The following ABI2 variants were observed in gnomAD, a reference collection of about 807,000 sequenced individuals.
The protein encoded by ABI2 is abelson interactor 2.
ABI2 carries 25 observed loss-of-function variants against 59.2 expected under a neutral mutation model. The observed-to-expected ratio is 0.42, with a 90% CI of 0.31 to 0.59. The LOEUF (loss-of-function observed/expected upper bound fraction) is 0.59, where lower values mean the gene tolerates loss of function less well. Among genes scored for constraint, ABI2 ranks in the 20% least tolerant of loss-of-function variants. The pLI, the probability that ABI2 is intolerant of heterozygous loss-of-function variation, is 0.14. For missense variants in ABI2, 545 were observed against 681.8 expected (o/e 0.80, Z 2.23); for synonymous variants, 213 against 235.5 (o/e 0.90, Z 0.87).
intron 9 of ABI2, among the ~76,000 whole-genome samples, chr2:203,405,896 A>G (rs562748794): frequency 1.3e-5 from 2 of 152,340 alleles, no homozygotes; most frequent in Admixed American, 6.5e-5. Flanking sequence ...CAATTATAAC[A>G]TAGGAGTTAA....
chr2:203,347,000 G>C (rs996371859), intron 1 of ABI2, among the ~76,000 whole-genome samples: 2 of 152,070 alleles, frequency 1.3e-5, no homozygotes, highest in Non-Finnish European at 2.9e-5. Flanking sequence ...ATTTTGTATA[G>C]TTTTTCTTAT....
intron 1 of ABI2, among the ~76,000 whole-genome samples, chr2:203,346,650 C>A (rs111665039): frequency 6.6e-6 from 1 of 152,226 alleles, no homozygotes; most frequent in African/African-American, 2.4e-5. Flanking sequence ...TTGTGCTGTT[C>A]TCTTTCTCAT....
chr2:203,402,302 T>G (rs1435026439), intron 8 of ABI2, among the ~76,000 whole-genome samples: 1 of 152,208 alleles, frequency 6.6e-6, no homozygotes, highest in Non-Finnish European at 1.5e-5. Context: ...CCCAAAGTGC[T>G]GGGATTACAG....
At position 203,431,416 on chromosome 2, in the gene ABI2, A is replaced by G. The variant is rs1434660605; in HGVS notation, c.*4064A>G. On this transcript the variant is annotated 3_prime_UTR_variant, in exon 12 of 12. Coordinates refer to ENST00000261018, the MANE Select transcript of ABI2 (RefSeq NM_001375670.1). ...TGAAAAGACATGCCATGTTTTGGTA[A>G]ATACCATCAGAGTTGTGTAAAGGCG... 1 of 152,658 alleles carries G rather than the reference A, an allele frequency of 6.6e-6. No individual in the cohort carries two copies. Among genetic ancestry groups the G allele is most frequent in the Non-Finnish European group, 1.5e-5 (1 of 68,030 alleles). The allele number at this position is 152,658 out of a possible 1,614,324, so 9.5% of individuals were successfully genotyped here.
Position 203,411,268 on chromosome 2 carries a change from C to CT in ABI2, c.1193-11dup, listed in dbSNP as rs771626096. On this transcript the variant is annotated splice_polypyrimidine_tract_variant and intron_variant, in intron 9 of 11. Transcript: ENST00000261018. ...CGCCCTTATCCCTTATCCTCCACAC[C>CT]TTTTTTGTTTTTGCAGTATCTCTTG... 13 of 1,602,670 alleles carry CT rather than the reference C, an allele frequency of 8.1e-6. No individual in the cohort carries two copies. In the East Asian group the frequency reaches 2.7e-4, roughly 33 times the overall value.
chr2:203,390,777 AGTGATCTGTTGGT>A (rs2096714697), intron 4 of ABI2, among the ~76,000 whole-genome samples: 1 of 152,238 alleles, frequency 6.6e-6, no homozygotes, highest in Admixed American at 6.5e-5. Flanking sequence ...TAATCTAACC[AGTGATCTGTTGGT>A]GTGATGGCCT....
chr2:203,411,097 TA>T (rs1433459046), intron 9 of ABI2, among the ~76,000 whole-genome samples, 187 bp from the exon 10 acceptor site: 12 of 152,088 alleles, frequency 7.9e-5, no homozygotes, highest in Admixed American at 5.9e-4. Context: ...AAAAACTTAC[TA>T]AAAATTCCCC....
chr2:203,380,425 A>G lies in ABI2; in HGVS notation c.462+41A>G, dbSNP rs574221820. On this transcript the variant is annotated intron_variant, in intron 3 of 11. Coordinates refer to ENST00000261018, the MANE Select transcript of ABI2 (RefSeq NM_001375670.1). Reference sequence around the variant, plus strand: ...TTCAAGCTTTTAAAAGTAGTAACCCATAATGAAACCAACTCTTGAGAAAAT... The same window carrying G: ...TTCAAGCTTTTAAAAGTAGTAACCCGTAATGAAACCAACTCTTGAGAAAAT... 197 of 1,294,136 alleles carry G rather than the reference A, an allele frequency of 1.5e-4. 2 individuals carry two copies. The South Asian group carries it at 2.8e-3, about 19-fold the overall frequency. The allele number at this position is 1,294,136 out of a possible 1,614,324, so 80.2% of individuals were successfully genotyped here.
intron 11 of ABI2, among the ~76,000 whole-genome samples, chr2:203,421,388 G>A (rs2098197629): frequency 6.6e-6 from 1 of 152,192 alleles, no homozygotes; most frequent in Admixed American, 6.5e-5. Flanking sequence ...AATCATGTTT[G>A]ATGATGTATC....
chr2:203,366,406 AT>A lies in ABI2; in HGVS notation c.118-462del, dbSNP rs1415806991. On this transcript the variant is annotated intron_variant, in intron 1 of 11. Coordinates refer to ENST00000261018, the MANE Select transcript of ABI2 (RefSeq NM_001375670.1). ...TATTATTTATAATTTTTTTCTTAAA[AT>A]TTTTTTTTCCTGGATGCTCTTATAG... Among the ~76,000 whole-genome samples the A allele has an allele frequency of 2.0e-4, 31 of 151,600 alleles. No individual in the cohort carries two copies. The East Asian group carries it at 5.6e-3, about 27-fold the overall frequency.
At chr2:203,415,616 CAAAAAAAAAAAAA>C (rs71007515) in intron 10 of ABI2, among the ~76,000 whole-genome samples, 2 of 42,342 alleles carry the variant, frequency 4.7e-5, no homozygotes, top group South Asian at 9.5e-4. Context: ...GACTCCGTCT[CAAAAAAAAAAAAA>C]AAAAAAAAAA....
chr2:203,333,580 T>G (rs62183939), intron 1 of ABI2, among the ~76,000 whole-genome samples: 24,503 of 152,164 alleles, frequency 0.16, 2,394 homozygotes, highest in East Asian at 0.52. Flanking sequence ...ATGACTCAAC[T>G]CATTTGAAAT....
At chr2:203,335,933 A>G (rs920937124) in intron 1 of ABI2, among the ~76,000 whole-genome samples, 1 of 152,146 alleles carries the variant, frequency 6.6e-6, no homozygotes, top group Non-Finnish European at 1.5e-5. Flanking sequence ...TTTTCCTTGT[A>G]CCCTCTGTAG....
At chr2:203,348,418 G>A (rs1261971156) in intron 1 of ABI2, among the ~76,000 whole-genome samples, 2 of 152,096 alleles carry the variant, frequency 1.3e-5, no homozygotes, top group African/African-American at 2.4e-5. Context: ...AGATGCAATG[G>A]TGGAAAACAT....
intron 4 of ABI2, among the ~76,000 whole-genome samples, chr2:203,384,278 G>GTTTTTGTTTTTGTTTTT (rs1559288690): frequency 4.4e-5 from 1 of 22,970 alleles, no homozygotes. Context: ...CCATACTCTT[G>GTTTTTGTTTTTGTTTTT]TTTTTGTTTT....
At chr2:203,339,563 A>G (rs1164132332) in intron 1 of ABI2, among the ~76,000 whole-genome samples, 3 of 150,382 alleles carry the variant, frequency 2.0e-5, no homozygotes, top group Non-Finnish European at 4.4e-5. Flanking sequence ...CCTGGGCAAC[A>G]GAGCAAGACT....
chr2:203,395,681 C>T lies in ABI2; in HGVS notation c.751C>T (p.His251Tyr). ...YSSSGSSGGSHPSSRSSSREN... is the reference protein window; with the variant it reads ...YSSSGSSGGSYPSSRSSSREN... The stretch of plus-strand genomic sequence containing the variant: ...CAGCAGTGGGAGTAGTGGAGGGAGC[C>T]ACCCAAGTAGTCGGAGCAGCAGTCG... Residue 251 changes from histidine (H) to tyrosine (Y), a missense_variant, in exon 7 of 12, where the codon CAC becomes TAC. By Grantham distance (83) the His-to-Tyr change is moderately conservative (BLOSUM62 2). This residue lies in a region of ABI2 where 410 missense variants were observed against 435.6 expected (regional missense o/e 0.94). Coordinates refer to ENST00000261018, the MANE Select transcript of ABI2 (RefSeq NM_001375670.1). 14 of 1,611,854 alleles carry T rather than the reference C, an allele frequency of 8.7e-6. No individual in the cohort carries two copies. The highest frequency in any genetic ancestry group is 1.2e-5 in the Non-Finnish European group (14 of 1,179,094).
rs1427350594 is a variant in ABI2, at chr2:203,381,937, A to C, written c.463-252A>C. Reference sequence around the variant, plus strand: ...TGACTTTCAGTGTTTAAGGGTCATTAATTTGAAGAAATCTTTAATACAGTT... The same window carrying C: ...TGACTTTCAGTGTTTAAGGGTCATTCATTTGAAGAAATCTTTAATACAGTT... On this transcript the variant is annotated intron_variant, in intron 3 of 11. Coordinates refer to ENST00000261018, the MANE Select transcript of ABI2 (RefSeq NM_001375670.1). Among the ~76,000 whole-genome samples the C allele has an allele frequency of 2.0e-5, 3 of 152,316 alleles. No individual in the cohort carries two copies. The East Asian group carries it at 5.8e-4, about 29-fold the overall frequency.
At chr2:203,351,595 G>A (rs947997197) in intron 1 of ABI2, 1 of 439,282 alleles carries the variant, frequency 2.3e-6, no homozygotes, top group Non-Finnish European at 4.5e-6. Flanking sequence ...GAATGCAGTG[G>A]TGTGATCATA....
Sources: gnomAD v4.1 joint callset for allele counts (sites outside exome capture counted in the v4.1 genomes callset) on GRCh38, gnomAD v4.1.1 for gene constraint, gnomAD v4.1.1 regional missense constraint, MANE v1.5 for transcripts, NCBI Gene and HGNC (gene_info 2026-07-23, HGNC 2026-07-21) for gene names.